Variants in PLCB1 observed in about 807,000 individuals in gnomAD.
The protein encoded by PLCB1 is phospholipase C beta 1, also known as 1-phosphatidylinositol 4,5-bisphosphate phosphodiesterase beta-1.
PLCB1 carries 46 observed loss-of-function variants against 161.8 expected under a neutral mutation model. The observed-to-expected ratio is 0.28, with a 90% CI of 0.22 to 0.36. The LOEUF is 0.36. Among genes scored for constraint, PLCB1 ranks in the 10% least tolerant of loss-of-function variants. PLCB1 has a pLI of 1.00. For synonymous variants in PLCB1, 517 were observed against 503.7 expected, an observed-to-expected ratio of 1.03 and a Z score of -0.35; for missense variants, 1,016 against 1,472.5, an observed-to-expected ratio of 0.69 and a Z score of 5.07.
At chr20:8,219,874 C>A (rs934115629) in intron 2 of PLCB1, among the ~76,000 whole-genome samples, 1 of 152,264 alleles carries the variant, frequency 6.6e-6, no homozygotes, top group African/African-American at 2.4e-5. Context: ...ATAAGTAGTA[C>A]ATGTGGCCCA....
intron 31 of PLCB1, among the ~76,000 whole-genome samples, chr20:8,794,817 C>G (rs79331770): frequency 6.6e-6 from 1 of 152,164 alleles, no homozygotes; most frequent in African/African-American, 2.4e-5. Context: ...AAGTAACAAA[C>G]AGATATTTTG....
intron 31 of PLCB1, among the ~76,000 whole-genome samples, chr20:8,852,879 C>T (rs1001898493): frequency 6.6e-6 from 1 of 152,202 alleles, no homozygotes; most frequent in Non-Finnish European, 1.5e-5. Context: ...CTCCAGGTGT[C>T]ATGAAGTGAC....
chr20:8,563,486 A>G (rs930987565), intron 3 of PLCB1, among the ~76,000 whole-genome samples: 3 of 152,010 alleles, frequency 2.0e-5, no homozygotes, highest in Admixed American at 6.6e-5. Flanking sequence ...GATGCGGTTC[A>G]GAGAAGTTTG....
intron 2 of PLCB1, among the ~76,000 whole-genome samples, chr20:8,264,750 T>C (rs997264143): frequency 6.6e-6 from 1 of 152,166 alleles, no homozygotes; most frequent in African/African-American, 2.4e-5. Context: ...CACACACATA[T>C]GTTCATCTCT....
intron 2 of PLCB1, among the ~76,000 whole-genome samples, chr20:8,186,835 G>C (rs1462645896): frequency 6.6e-6 from 1 of 152,134 alleles, no homozygotes; most frequent in African/African-American, 2.4e-5. Flanking sequence ...AAGTGTCCTG[G>C]ACTGGCATGA....
At chr20:8,209,519 T>C (rs1419831941) in intron 2 of PLCB1, among the ~76,000 whole-genome samples, 1 of 152,178 alleles carries the variant, frequency 6.6e-6, no homozygotes, top group African/African-American at 2.4e-5. Context: ...AAAATGTTAT[T>C]TTATTTCCTT....
At chr20:8,870,733 T>A (rs557271682) in intron 31 of PLCB1, among the ~76,000 whole-genome samples, 31 of 152,268 alleles carry the variant, frequency 2.0e-4, no homozygotes, top group Middle Eastern at 6.8e-3. Flanking sequence ...TTAGCAACCC[T>A]CATTCTGCCC....
At chr20:8,415,720 C>T (rs1358639785) in intron 3 of PLCB1, among the ~76,000 whole-genome samples, 2 of 152,152 alleles carry the variant, frequency 1.3e-5, no homozygotes, top group African/African-American at 4.8e-5. Context: ...AGATGGTGGA[C>T]ATGGTGTAGG....
At chr20:8,148,814 A>G (rs1221084729) in intron 1 of PLCB1, among the ~76,000 whole-genome samples, 1 of 152,210 alleles carries the variant, frequency 6.6e-6, no homozygotes. Flanking sequence ...ATATTATACA[A>G]TTTTACTTAT....
chr20:8,525,563 C>CAG (rs1361853468), intron 3 of PLCB1, among the ~76,000 whole-genome samples: 1 of 152,138 alleles, frequency 6.6e-6, no homozygotes, highest in Non-Finnish European at 1.5e-5. Flanking sequence ...CCTTTGGGCA[C>CAG]AGAGAGATCT....
intron 3 of PLCB1, among the ~76,000 whole-genome samples, chr20:8,544,812 T>G (rs1274552684): frequency 6.6e-6 from 1 of 152,212 alleles, no homozygotes; most frequent in Non-Finnish European, 1.5e-5. Flanking sequence ...GATATATTCC[T>G]TAGGTAGAGC....
At chr20:8,568,371 T>C (rs1002632103) in intron 3 of PLCB1, among the ~76,000 whole-genome samples, 1 of 152,202 alleles carries the variant, frequency 6.6e-6, no homozygotes, top group Non-Finnish European at 1.5e-5. Context: ...TATTGCAACA[T>C]ATGCTGCCTT....
chr20:8,268,759 T>A (rs550164512), intron 2 of PLCB1, among the ~76,000 whole-genome samples: 4 of 152,346 alleles, frequency 2.6e-5, no homozygotes, highest in Admixed American at 2.6e-4. Context: ...GCTGCATAAA[T>A]GTCTTCTTTT....
At chr20:8,366,666 T>C (rs1405487517) in intron 2 of PLCB1, among the ~76,000 whole-genome samples, 2 of 152,208 alleles carry the variant, frequency 1.3e-5, no homozygotes, top group Non-Finnish European at 2.9e-5. Flanking sequence ...AGAGGGCATA[T>C]CCATCAATGC....
intron 31 of PLCB1, among the ~76,000 whole-genome samples, chr20:8,839,126 T>C (rs1259018678): frequency 6.6e-6 from 1 of 152,218 alleles, no homozygotes; most frequent in Non-Finnish European, 1.5e-5. Flanking sequence ...ACTCTAGTTT[T>C]ATTGGCAAGA....
intron 9 of PLCB1, among the ~76,000 whole-genome samples, chr20:8,668,005 A>G (rs1209182863): frequency 1.3e-5 from 2 of 152,124 alleles, no homozygotes; most frequent in Admixed American, 6.5e-5. Context: ...GCTCAGTCAA[A>G]ACTGCCTGGC....
At chr20:8,244,391 C>T (rs1009167310) in intron 2 of PLCB1, among the ~76,000 whole-genome samples, 1 of 151,818 alleles carries the variant, frequency 6.6e-6, no homozygotes, top group Non-Finnish European at 1.5e-5. Flanking sequence ...AAATAGAATA[C>T]TGTTCAGCAA....
At chr20:8,322,366 CA>C (rs1437457089) in intron 2 of PLCB1, among the ~76,000 whole-genome samples, 1 of 152,084 alleles carries the variant, frequency 6.6e-6, no homozygotes, top group African/African-American at 2.4e-5. Flanking sequence ...TTACTTCTAT[CA>C]ACCCATCCCC....
At chr20:8,386,678 C>A (rs969577626) in intron 3 of PLCB1, among the ~76,000 whole-genome samples, 2 of 152,206 alleles carry the variant, frequency 1.3e-5, no homozygotes, top group African/African-American at 4.8e-5. Flanking sequence ...GCTTTGAAGT[C>A]AGGCATTGAC....
Sources: allele counts gnomAD v4.1 joint callset (sites outside exome capture counted in the v4.1 genomes callset), GRCh38; gene constraint gnomAD v4.1.1; transcripts MANE v1.5; gene names NCBI Gene and HGNC (gene_info 2026-07-23, HGNC 2026-07-21).